Variants in MEIS2 observed in about 807,000 individuals in gnomAD.
The protein encoded by MEIS2 is Meis homeobox 2.
In MEIS2, 9 loss-of-function variants were observed where a neutral mutation model predicts 58.6. That is an observed-to-expected ratio of 0.15 (90% CI 0.09 to 0.27). The LOEUF is 0.27. Ranked by LOEUF, MEIS2 falls within the 10% of genes least tolerant of loss-of-function variation. The pLI, the probability that MEIS2 is intolerant of heterozygous loss-of-function variation, is 1.00. For synonymous variants in MEIS2, 221 were observed against 228.4 expected (o/e 0.97, Z 0.29); for missense variants, 427 against 635.0 (o/e 0.67, Z 3.52).
chr15:37,038,412 C>A (rs2062252858), intron 7 of MEIS2, among the ~76,000 whole-genome samples: 1 of 152,166 alleles, frequency 6.6e-6, no homozygotes, highest in African/African-American at 2.4e-5. Flanking sequence ...GCCAAAAAAC[C>A]CTCAACTTTC....
At chr15:37,011,452 A>G (rs914400404) in intron 8 of MEIS2, among the ~76,000 whole-genome samples, 3 of 152,170 alleles carry the variant, frequency 2.0e-5, no homozygotes, top group Non-Finnish European at 2.9e-5. Context: ...GCAGAGTCCA[A>G]AAGAATTAGC....
intron 9 of MEIS2, among the ~76,000 whole-genome samples, chr15:36,949,979 G>A (rs2058699938): frequency 6.6e-6 from 1 of 151,938 alleles, no homozygotes; most frequent in Non-Finnish European, 1.5e-5. Flanking sequence ...AAAACCCGCG[G>A]AGTGACTACT....
Position 36,889,727 on chromosome 15 carries a change from C to T in MEIS2, c.*2446G>A, listed in dbSNP as rs2055787371. The stretch of plus-strand genomic sequence containing the variant: ...AAAGAAAAAAAGGTTCTTTTTCCCA[C>T]CTGATGTGAGAGTTGATTTATAATG... On this transcript the variant is annotated 3_prime_UTR_variant, in exon 12 of 12. Transcript: ENST00000561208. 1 of 152,042 alleles carries T rather than the reference C, an allele frequency of 6.6e-6. No individual in the cohort carries two copies. The highest frequency in any genetic ancestry group is 6.5e-5 in the Admixed American group (1 of 15,272). The allele number at this position is 152,042 out of a possible 1,614,324, so 9.4% of individuals were successfully genotyped here. A position where few individuals can be genotyped will look rare whatever the true frequency, so the allele number is the denominator to read the frequency against.
chr15:37,083,607 A>T (rs1892517942), intron 7 of MEIS2, among the ~76,000 whole-genome samples, 164 bp downstream of exon 7: 2 of 152,194 alleles, frequency 1.3e-5, no homozygotes, highest in Admixed American at 6.5e-5. Context: ...TTTTAAGGAA[A>T]GTAAGTTAAG....
chr15:37,052,484 C>T (rs1311551578), intron 7 of MEIS2, among the ~76,000 whole-genome samples: 2 of 152,154 alleles, frequency 1.3e-5, no homozygotes, highest in African/African-American at 4.8e-5. Flanking sequence ...CTCTACTCAC[C>T]ACACAGACTC....
intron 9 of MEIS2, among the ~76,000 whole-genome samples, chr15:36,939,364 GGTCAACTA>G (rs2141356559): frequency 6.6e-6 from 1 of 152,298 alleles, no homozygotes; most frequent in East Asian, 1.9e-4. Flanking sequence ...TATTTCAGAT[GGTCAACTA>G]GTTTGGAAAC....
At chr15:36,924,433 G>A (rs1055010144) in intron 9 of MEIS2, among the ~76,000 whole-genome samples, 3 of 152,160 alleles carry the variant, frequency 2.0e-5, no homozygotes, top group African/African-American at 7.2e-5. Flanking sequence ...TGTCAGAAAA[G>A]AAAGCAGAGA....
chr15:37,004,993 A>T (rs2060865850), intron 8 of MEIS2, among the ~76,000 whole-genome samples: 2 of 151,472 alleles, frequency 1.3e-5, no homozygotes, highest in South Asian at 4.1e-4. Context: ...TTTTAAAAAC[A>T]CAAGAAAAAA....
intron 7 of MEIS2, among the ~76,000 whole-genome samples, chr15:37,040,168 T>C (rs2062361355): frequency 1.3e-5 from 2 of 152,106 alleles, no homozygotes; most frequent in East Asian, 3.9e-4. Context: ...AAAAGGTATG[T>C]ATACCAGCAC....
chr15:36,897,211 A>G (rs1194494317), intron 9 of MEIS2: 1 of 154,978 alleles, frequency 6.5e-6, no homozygotes, highest in Non-Finnish European at 1.4e-5. Flanking sequence ...CTCTTCGGCA[A>G]CTCCTGCAGT....
At chr15:36,956,206 A>AAT (rs1555433802) in intron 8 of MEIS2, among the ~76,000 whole-genome samples, 2 of 149,772 alleles carry the variant, frequency 1.3e-5, no homozygotes, top group African/African-American at 4.9e-5. Context: ...AAAAAAAAAA[A>AAT]AAAAGAGTCC....
Position 37,093,692 on chromosome 15 carries a change from A to AATG in MEIS2, c.525_527dup (p.Ile176dup). On this transcript the variant is annotated inframe_insertion, in exon 6 of 12. Coordinates refer to ENST00000561208, the MANE Select transcript of MEIS2 (RefSeq NM_170675.5). ...TGGGCATTTTCCCCTTCAAACAGCTAATGTATCGGTGGCAGAAGTTATCGC... is the reference window on the plus strand; with the variant it reads ...TGGGCATTTTCCCCTTCAAACAGCTAATGATGTATCGGTGGCAGAAGTTATCGC... The AATG allele has an allele frequency of 6.2e-7, 1 of 1,614,154 alleles. No homozygotes were observed. Among genetic ancestry groups the AATG allele is most frequent in the Non-Finnish European group, 8.5e-7 (1 of 1,180,026 alleles).
At chr15:37,032,680 G>A (rs1468549553) in intron 8 of MEIS2, among the ~76,000 whole-genome samples, 1 of 152,062 alleles carries the variant, frequency 6.6e-6, no homozygotes, top group Admixed American at 6.6e-5. Flanking sequence ...GAGGGTAATG[G>A]TATACAGAAA....
chr15:36,964,337 G>T (rs1392078425), intron 8 of MEIS2, among the ~76,000 whole-genome samples: 2 of 152,192 alleles, frequency 1.3e-5, no homozygotes, highest in Non-Finnish European at 2.9e-5. Flanking sequence ...TTTTGTAAGG[G>T]AATGAATATT....
chr15:37,090,679 GCACA>G (rs142616060), intron 6 of MEIS2, among the ~76,000 whole-genome samples: 1 of 151,550 alleles, frequency 6.6e-6, no homozygotes, highest in African/African-American at 2.4e-5. Context: ...ACACGAGTAT[GCACA>G]CACACACACA....
intron 7 of MEIS2, among the ~76,000 whole-genome samples, chr15:37,045,950 T>A (rs1003423814): frequency 1.3e-5 from 2 of 152,168 alleles, no homozygotes; most frequent in African/African-American, 2.4e-5. Context: ...CAGGCTTCCC[T>A]GGTCCTGAAC....
intron 7 of MEIS2, among the ~76,000 whole-genome samples, chr15:37,050,352 G>A (rs1210895434): frequency 6.6e-6 from 1 of 152,174 alleles, no homozygotes; most frequent in Admixed American, 6.5e-5. Flanking sequence ...ATGAATGGAT[G>A]GAGGGCTCTC....
At position 37,052,857 on chromosome 15, in the gene MEIS2, GCTA is replaced by G. The variant is rs199860311; in HGVS notation, c.755-15901_755-15899del. Among the ~76,000 whole-genome samples, 1,074 of 152,282 alleles carry G rather than the reference GCTA, an allele frequency of 7.1e-3. 5 individuals are homozygous for G. The highest frequency in any genetic ancestry group is 0.024 in the African/African-American group (1,002 of 41,544). On this transcript the variant is annotated intron_variant, in intron 7 of 11. Transcript: ENST00000561208. Reference sequence around the variant, plus strand: ...GGCACAAAAGCAAAGGGTCACGTGTGCTACTACTTAAGTGGGAAACATTTTCAT... The same window carrying G: ...GGCACAAAAGCAAAGGGTCACGTGTGCTACTTAAGTGGGAAACATTTTCAT...
intron 8 of MEIS2, among the ~76,000 whole-genome samples, chr15:37,019,525 A>C (rs1320807090): frequency 6.6e-6 from 1 of 152,204 alleles, no homozygotes; most frequent in Non-Finnish European, 1.5e-5. Flanking sequence ...TGACGACACC[A>C]CTTCTTCAAT....
Sources: allele counts gnomAD v4.1 joint callset (sites outside exome capture counted in the v4.1 genomes callset), GRCh38; gene constraint gnomAD v4.1.1; transcripts MANE v1.5; gene names NCBI Gene and HGNC (gene_info 2026-07-23, HGNC 2026-07-21).